CACNA2D3: variants seen among roughly 807,000 people sequenced by gnomAD.
CACNA2D3 encodes voltage-dependent calcium channel subunit alpha-2/delta-3.
In CACNA2D3, 60 loss-of-function variants were observed where a neutral mutation model predicts 160.6. The observed-to-expected ratio is 0.37, with a 90% CI of 0.30 to 0.46. The LOEUF (loss-of-function observed/expected upper bound fraction) is 0.46. CACNA2D3 is among the 20% of genes least tolerant of loss of function. CACNA2D3 has a pLI of 1.00. For synonymous variants in CACNA2D3, 558 were observed against 492.9 expected (o/e 1.13, Z -1.75); for missense variants, 1,205 against 1,365.0 (o/e 0.88, Z 1.85).
intron 27 of CACNA2D3, among the ~76,000 whole-genome samples, chr3:54,904,799 A>G (rs890725225): frequency 3.9e-5 from 6 of 152,334 alleles, no homozygotes; most frequent in African/African-American, 1.2e-4. Flanking sequence ...TAGTGGAAAC[A>G]TAGTACTTGA....
intron 17 of CACNA2D3, among the ~76,000 whole-genome samples, chr3:54,869,912 C>A (rs1699487421): frequency 1.3e-5 from 2 of 152,206 alleles, no homozygotes. Context: ...GAACCACTTT[C>A]CTTCCCCTTC....
chr3:54,528,240 CA>C (rs1423849500), intron 5 of CACNA2D3, among the ~76,000 whole-genome samples: 2 of 147,326 alleles, frequency 1.4e-5, no homozygotes, highest in Non-Finnish European at 3.0e-5. Context: ...TAACAGTTTG[CA>C]ATATTGGGCA....
intron 3 of CACNA2D3, among the ~76,000 whole-genome samples, chr3:54,336,293 C>T (rs1194445471): frequency 6.6e-6 from 1 of 152,166 alleles, no homozygotes; most frequent in Non-Finnish European, 1.5e-5. Context: ...CAGTGTCTTC[C>T]TTGGGCACAG....
chr3:54,534,436 C>T (rs1438627092), intron 5 of CACNA2D3, among the ~76,000 whole-genome samples: 2 of 152,134 alleles, frequency 1.3e-5, no homozygotes, highest in African/African-American at 2.4e-5. Context: ...CTCCCCTGCT[C>T]ACTCGGAGCT....
chr3:55,059,107 G>GT (rs1390630966), intron 35 of CACNA2D3, among the ~76,000 whole-genome samples: 1 of 152,182 alleles, frequency 6.6e-6, no homozygotes, highest in African/African-American at 2.4e-5. Context: ...AAAGGGAGAT[G>GT]TTTAACTTCC....
intron 2 of CACNA2D3, among the ~76,000 whole-genome samples, chr3:54,221,088 G>A (rs1701559722): frequency 6.6e-6 from 1 of 152,162 alleles, no homozygotes. Context: ...AAAGCGCTTT[G>A]AGTGCATTTC....
intron 13 of CACNA2D3, among the ~76,000 whole-genome samples, chr3:54,778,475 G>C (rs1035641311): frequency 2.0e-5 from 3 of 151,856 alleles, no homozygotes; most frequent in African/African-American, 7.3e-5. Flanking sequence ...CTTATCCTTT[G>C]GTCTCAGTTT....
chr3:54,544,411 A>G (rs1702029154), intron 5 of CACNA2D3, among the ~76,000 whole-genome samples: 1 of 145,552 alleles, frequency 6.9e-6, no homozygotes, highest in Admixed American at 6.8e-5. Flanking sequence ...TTTTTTTTTA[A>G]TGTTTTTAAA....
At chr3:54,368,409 C>G (rs932724752) in intron 3 of CACNA2D3, among the ~76,000 whole-genome samples, 1 of 152,078 alleles carries the variant, frequency 6.6e-6, no homozygotes, top group African/African-American at 2.4e-5. Flanking sequence ...TCTTACTAGT[C>G]TTTGCTTAAT....
At chr3:54,722,101 C>T (rs1316557494) in intron 11 of CACNA2D3, among the ~76,000 whole-genome samples, 1 of 152,114 alleles carries the variant, frequency 6.6e-6, no homozygotes, top group East Asian at 1.9e-4. Context: ...TGGAGGCTTG[C>T]TTTGTTGCTT....
chr3:54,165,025 A>G (rs1416775935), intron 2 of CACNA2D3, among the ~76,000 whole-genome samples: 1 of 152,120 alleles, frequency 6.6e-6, no homozygotes, highest in Non-Finnish European at 1.5e-5. Flanking sequence ...GGAAAAGAGA[A>G]GCAGCCAGAA....
chr3:54,631,785 AAC>A (rs1316266225), intron 10 of CACNA2D3, among the ~76,000 whole-genome samples: 3 of 152,242 alleles, frequency 2.0e-5, no homozygotes, highest in African/African-American at 7.2e-5. Flanking sequence ...ATTCTGTAAG[AAC>A]ACAGAGCAAG....
At chr3:54,640,211 A>T (rs1559535781) in intron 10 of CACNA2D3, among the ~76,000 whole-genome samples, 1 of 152,042 alleles carries the variant, frequency 6.6e-6, no homozygotes, top group East Asian at 1.9e-4. Context: ...GACATTCCCA[A>T]AGAGAATACG....
rs77036102 is a variant in CACNA2D3, at chr3:54,674,227, G to A, written c.1167+31986G>A. On this transcript the variant is annotated intron_variant, in intron 11 of 37. Coordinates refer to ENST00000474759, the MANE Select transcript of CACNA2D3 (RefSeq NM_018398.3). Reference sequence around the variant, plus strand: ...CTTGGAACATAAATGTGGTCCCCAGGGTTCCTTTATTCTGCTGATGATACA... The same window carrying A: ...CTTGGAACATAAATGTGGTCCCCAGAGTTCCTTTATTCTGCTGATGATACA... 6.6e-3 allele frequency among the ~76,000 whole-genome samples: 1,006 copies of A among 152,262 alleles called. 14 individuals are homozygous for A. Among genetic ancestry groups the A allele is most frequent in the African/African-American group, 0.023 (940 of 41,530 alleles).
chr3:54,719,533 T>C (rs510013), intron 11 of CACNA2D3, among the ~76,000 whole-genome samples: 64,034 of 151,894 alleles, frequency 0.42, 14,468 homozygotes, highest in East Asian at 0.51. Context: ...TAAACTTTTA[T>C]ATTTCACTGC....
intron 10 of CACNA2D3, among the ~76,000 whole-genome samples, chr3:54,641,713 G>A (rs939677361): frequency 1.3e-5 from 2 of 152,046 alleles, no homozygotes; most frequent in African/African-American, 4.8e-5. Context: ...GTATATTATT[G>A]CTACAAAGAG....
intron 5 of CACNA2D3, among the ~76,000 whole-genome samples, chr3:54,556,970 A>G (rs1279784453): frequency 2.0e-5 from 3 of 151,654 alleles, no homozygotes. Flanking sequence ...TGGGAAAATC[A>G]TATTTAACTG....
intron 3 of CACNA2D3, among the ~76,000 whole-genome samples, chr3:54,380,581 A>C (rs1245620048): frequency 6.6e-6 from 1 of 152,166 alleles, no homozygotes; most frequent in Non-Finnish European, 1.5e-5. Flanking sequence ...TACTAAAAAT[A>C]CAAAAAATTA....
At chr3:54,935,424 A>G (rs1041248672) in intron 27 of CACNA2D3, among the ~76,000 whole-genome samples, 3 of 152,218 alleles carry the variant, frequency 2.0e-5, no homozygotes, top group African/African-American at 4.8e-5. Context: ...GGCTGGTGGA[A>G]TAAACATAGG....
Sources: gnomAD v4.1 joint callset for allele counts (sites outside exome capture counted in the v4.1 genomes callset) on GRCh38, gnomAD v4.1.1 for gene constraint, MANE v1.5 for transcripts, NCBI Gene and HGNC (gene_info 2026-07-23, HGNC 2026-07-21) for gene names.